The following UPP2 variants were observed in gnomAD, a reference collection of about 807,000 sequenced individuals.
The protein encoded by UPP2 is UPase 2.
UPP2 carries 23 observed loss-of-function variants against 26.7 expected under a neutral mutation model. That is an observed-to-expected ratio of 0.86 (90% CI 0.62 to 1.22). The LOEUF is 1.22. UPP2 is among the 50% of genes most tolerant of loss of function. The pLI, the probability that UPP2 is intolerant of heterozygous loss-of-function variation, is 0.00. For synonymous variants in UPP2, 127 were observed against 141.3 expected, an observed-to-expected ratio of 0.90 and a Z score of 0.72; for missense variants, 387 against 396.7, an observed-to-expected ratio of 0.98 and a Z score of 0.21.
chr2:158,092,891 C>T (rs1356244202), intron 3 of UPP2, among the ~76,000 whole-genome samples: 1 of 152,064 alleles, frequency 6.6e-6, no homozygotes, highest in Non-Finnish European at 1.5e-5. Context: ...AAATATATAA[C>T]TTCCAAAATA....
chr2:158,020,543 T>G (rs916374677), intron 3 of UPP2, among the ~76,000 whole-genome samples: 2 of 152,148 alleles, frequency 1.3e-5, no homozygotes, highest in Middle Eastern at 6.3e-3. Context: ...ACACTCCAAA[T>G]AGCCCACTGC....
rs57028617 is a variant in UPP2, at chr2:158,093,271, TACAC to T, written c.148-8737_148-8734del. ...TGTAGGAAGGCGGTAAAAAGAAACA[TACAC>T]ACACACACACACACACACACACACA... is the stretch of plus-strand genomic sequence containing the variant. On this transcript the variant is annotated intron_variant, in intron 3 of 9. Coordinates refer to the UPP2 transcript ENST00000605860. Among the ~76,000 whole-genome samples the T allele has an allele frequency of 7.9e-3, 1,086 of 137,408 alleles. 2 individuals are homozygous for T. The highest frequency in any genetic ancestry group is 9.1e-3 in the Non-Finnish European group (574 of 62,808). 90.1% of individuals were successfully genotyped at this position (137,408 alleles called of 152,430 possible).
At chr2:158,064,281 C>CAT (rs1682399964) in intron 3 of UPP2, among the ~76,000 whole-genome samples, 4 of 152,038 alleles carry the variant, frequency 2.6e-5, no homozygotes, top group Non-Finnish European at 5.9e-5. Context: ...TTTTAATGAT[C>CAT]GCCATTCTAA....
chr2:158,004,574 G>A (rs1298215693), intron 2 of UPP2, among the ~76,000 whole-genome samples: 4 of 152,138 alleles, frequency 2.6e-5, no homozygotes, highest in African/African-American at 7.2e-5. Context: ...CAGTGTGCTC[G>A]GGAGACAGCT....
At chr2:158,042,670 T>C (rs372766223) in intron 3 of UPP2, among the ~76,000 whole-genome samples, 71 of 152,106 alleles carry the variant, frequency 4.7e-4, no homozygotes, top group Non-Finnish European at 9.3e-4. Flanking sequence ...CTCTAAGATA[T>C]TGGGGAGACT....
chr2:158,052,550 G>A (rs911652969), intron 3 of UPP2, among the ~76,000 whole-genome samples: 1 of 152,184 alleles, frequency 6.6e-6, no homozygotes, highest in African/African-American at 2.4e-5. Flanking sequence ...TATGGGTATT[G>A]AATGACTGAA....
rs1683913002 is a variant in UPP2 at position 158,135,487 on chromosome 2, C to G, written c.*597C>G. ...GTGATTTTATCTCAGAATATAACAA[C>G]TCTGGATTACATTTTCCTCTCAACT... On this transcript the variant is annotated 3_prime_UTR_variant, in exon 7 of 7. Coordinates refer to ENST00000005756, the MANE Select transcript of UPP2 (RefSeq NM_173355.4). The G allele has an allele frequency of 6.6e-6, 1 of 152,178 alleles. No individual in the cohort carries two copies. The highest frequency in any genetic ancestry group is 1.5e-5 in the Non-Finnish European group (1 of 68,048). 9.4% of individuals were successfully genotyped at this position (152,178 alleles called of 1,614,324 possible).
At chr2:157,997,980 C>G (rs1167552624) in intron 2 of UPP2, among the ~76,000 whole-genome samples, 5 of 152,200 alleles carry the variant, frequency 3.3e-5, no homozygotes, top group African/African-American at 1.2e-4. Context: ...TATATAGCAA[C>G]AGAAACCTGG....
chr2:158,025,867 G>T (rs1432963843), intron 3 of UPP2, among the ~76,000 whole-genome samples: 1 of 152,224 alleles, frequency 6.6e-6, no homozygotes, highest in Non-Finnish European at 1.5e-5. Context: ...GGTCTGGAGG[G>T]ATAAACATCA....
At chr2:158,024,079 C>T (rs1265836350) in intron 3 of UPP2, among the ~76,000 whole-genome samples, 2 of 152,182 alleles carry the variant, frequency 1.3e-5, no homozygotes, top group Non-Finnish European at 2.9e-5. Context: ...ATGCAAATCC[C>T]AGGACTTAGA....
intron 3 of UPP2, among the ~76,000 whole-genome samples, chr2:158,062,032 A>T (rs1170361076): frequency 6.6e-6 from 1 of 152,264 alleles, no homozygotes; most frequent in African/African-American, 2.4e-5. Flanking sequence ...GTTTATTTAC[A>T]TACAGACTAC....
At chr2:158,091,833 T>C (rs893030070) in intron 3 of UPP2, among the ~76,000 whole-genome samples, 5 of 152,218 alleles carry the variant, frequency 3.3e-5, no homozygotes, top group Non-Finnish European at 4.4e-5. Context: ...AACTGGCACA[T>C]TGTCAGTTCT....
chr2:158,124,041 T>C (rs933873689), intron 6 of UPP2, 146 bp downstream of exon 6: 3 of 850,898 alleles, frequency 3.5e-6, no homozygotes, highest in African/African-American at 3.4e-5. Flanking sequence ...CATTATCTCA[T>C]AATATCTTGT....
rs146231421 is a variant in UPP2 at position 158,018,592 on chromosome 2, G to T, written c.147+2706G>T. On this transcript the variant is annotated intron_variant, in intron 3 of 9. Coordinates refer to the UPP2 transcript ENST00000605860. ...GCATGGCTGTTTCCCAGGTGGCAGT[G>T]GGGGAAGGGGGCTGCATAATCTCTC... is the stretch of plus-strand genomic sequence containing the variant. Among the ~76,000 whole-genome samples the T allele has an allele frequency of 4.0e-3, 610 of 152,298 alleles. 3 individuals are homozygous for T. Among genetic ancestry groups the T allele is most frequent in the Admixed American group, 7.5e-3 (115 of 15,304 alleles).
intron 2 of UPP2, among the ~76,000 whole-genome samples, chr2:158,010,479 TTTGTAAA>T (rs1683557806): frequency 6.6e-6 from 1 of 152,236 alleles, no homozygotes; most frequent in South Asian, 2.1e-4. Context: ...CTTGTGGTTG[TTTGTAAA>T]TTTTCCACTA....
At chr2:158,055,474 A>C (rs911435416) in intron 3 of UPP2, among the ~76,000 whole-genome samples, 2 of 152,126 alleles carry the variant, frequency 1.3e-5, no homozygotes, top group African/African-American at 4.8e-5. Context: ...GAAATAATAC[A>C]GTATTTTTTT....
At position 158,127,049 on chromosome 2, in the gene UPP2, C is replaced by T. The variant is rs571285270; in HGVS notation, c.811+3154C>T. Among the ~76,000 whole-genome samples the T allele has an allele frequency of 2.0e-5, 3 of 152,384 alleles. No homozygotes were observed. The East Asian group carries it at 5.8e-4, about 29-fold the overall frequency. On this transcript the variant is annotated intron_variant, in intron 6 of 6. Coordinates refer to ENST00000005756, the MANE Select transcript of UPP2 (RefSeq NM_173355.4). ...TGTACTAACTTAGATGAATTACTCA[C>T]TGAGTTTGGACCATTGCAGAAACAG...
chr2:158,042,168 A>C (rs1684090536), intron 3 of UPP2, among the ~76,000 whole-genome samples: 1 of 152,218 alleles, frequency 6.6e-6, no homozygotes, highest in Non-Finnish European at 1.5e-5. Context: ...CCCCACTTGC[A>C]GGAAGAGACT....
chr2:158,042,827 G>A (rs922505529), intron 3 of UPP2, among the ~76,000 whole-genome samples: 6 of 152,128 alleles, frequency 3.9e-5, no homozygotes, highest in African/African-American at 9.7e-5. Context: ...GAAGGGAGGC[G>A]CCACACTGTT....
Sources: gnomAD v4.1 joint callset for allele counts (sites outside exome capture counted in the v4.1 genomes callset) on GRCh38, gnomAD v4.1.1 for gene constraint, MANE v1.5 for transcripts, NCBI Gene and HGNC (gene_info 2026-07-23, HGNC 2026-07-21) for gene names.